The following ZYG11A variants were observed in gnomAD, a reference collection of about 807,000 sequenced individuals.
ZYG11A encodes the protein protein zyg-11 homolog A.
Under a neutral mutation model 77.2 loss-of-function variants are expected in ZYG11A, and 62 were observed. The ratio of observed to expected loss-of-function variants is 0.80; its 90% CI spans 0.65 to 0.99. The LOEUF is 0.99. Among genes scored for constraint, ZYG11A ranks in the 50% least tolerant of loss-of-function variants. The probability of loss-of-function intolerance (pLI) is 0.00; values close to 1 mark genes in which losing one functional copy is unlikely to be tolerated. For synonymous variants in ZYG11A, 315 were observed against 324.6 expected (o/e 0.97, Z 0.32); for missense variants, 828 against 896.8 (o/e 0.92, Z 0.98).
chr1:52,846,999 C>A (rs1018665289), intron 1 of ZYG11A, among the ~76,000 whole-genome samples: 1 of 151,836 alleles, frequency 6.6e-6, no homozygotes, highest in African/African-American at 2.4e-5. Context: ...GGGTACACGC[C>A]GCCACGCCTG....
intron 1 of ZYG11A, among the ~76,000 whole-genome samples, chr1:52,843,310 TTAGAC>T (rs1202488068): frequency 6.6e-6 from 1 of 152,190 alleles, no homozygotes; most frequent in African/African-American, 2.4e-5. Context: ...TGCTGTGAGC[TTAGAC>T]GTAGGTGCAG....
chr1:52,877,676 T>C lies in ZYG11A; in HGVS notation c.1543-6T>C. 1.3e-6 allele frequency: 2 copies of C among 1,544,608 alleles called. No homozygotes were observed. The highest frequency in any genetic ancestry group is 1.7e-6 in the Non-Finnish European group (2 of 1,144,818). ...CTAACTCCCTCCCTGTCTCTTTGGT[T>C]TTTAGGAACTTCTAGCAATAGTAAA... On this transcript the variant is annotated splice_region_variant and splice_polypyrimidine_tract_variant and intron_variant, in intron 8 of 13. Coordinates refer to ENST00000371528, the MANE Select transcript of ZYG11A (RefSeq NM_001004339.3).
intron 8 of ZYG11A, 92 bp from the exon 9 acceptor site, chr1:52,877,590 G>A (rs1646283664): frequency 1.5e-5 from 17 of 1,121,390 alleles, no homozygotes; most frequent in African/African-American, 9.5e-5. Flanking sequence ...GTTTAGAACC[G>A]AGGTTTGATG....
At chr1:52,872,508 C>T (rs976851080) in intron 8 of ZYG11A, among the ~76,000 whole-genome samples, 3 of 151,970 alleles carry the variant, frequency 2.0e-5, no homozygotes, top group Non-Finnish European at 2.9e-5. Flanking sequence ...GCTTGTTATA[C>T]GATATCCATT....
chr1:52,889,606 A>C (rs1328560521), intron 13 of ZYG11A, among the ~76,000 whole-genome samples: 1 of 151,916 alleles, frequency 6.6e-6, no homozygotes, highest in Non-Finnish European at 1.5e-5. Context: ...TCTATCCAAG[A>C]ACATGACTAA....
Position 52,857,090 on chromosome 1 carries a change from G to A in ZYG11A, c.349G>A (p.Ala117Thr). The A allele has an allele frequency of 1.3e-6, 2 of 1,551,680 alleles. No individual in the cohort carries two copies. Among genetic ancestry groups the A allele is most frequent in the Non-Finnish European group, 1.7e-6 (2 of 1,146,964 alleles). ...NIQKAKISTAAFIKAFCRHKL... is the reference protein window; with the variant it reads ...NIQKAKISTATFIKAFCRHKL... Reference sequence around the variant, plus strand: ...CCAAAAAGCTAAAATCTCTACAGCTGCATTCATAAAAGCCTTCTGCCGTCA... The same window carrying A: ...CCAAAAAGCTAAAATCTCTACAGCTACATTCATAAAAGCCTTCTGCCGTCA... The change falls in exon 3 of 14, where the codon GCA becomes ACA. Residue 117 changes from alanine to threonine, a missense_variant. Physicochemically the swap from Ala to Thr is moderately conservative, Grantham distance 58. Transcript: ENST00000371528.
intron 8 of ZYG11A, 60 bp downstream of exon 8, chr1:52,867,837 C>A: frequency 2.2e-6 from 3 of 1,372,660 alleles, no homozygotes; most frequent in South Asian, 1.3e-5. Context: ...ATGATTATAG[C>A]TTAAAAAAAA....
intron 3 of ZYG11A, among the ~76,000 whole-genome samples, chr1:52,859,381 G>T (rs531005628): frequency 1.3e-5 from 2 of 152,134 alleles, no homozygotes; most frequent in South Asian, 4.2e-4. Context: ...TGTCGCCCAG[G>T]CTGGAGTGCA....
Position 52,870,867 on chromosome 1 carries a change from G to A in ZYG11A, c.1542+3090G>A, listed in dbSNP as rs545578196. Among the ~76,000 whole-genome samples the A allele has an allele frequency of 1.0e-3, 159 of 151,938 alleles. 1 individual carries two copies. Among genetic ancestry groups the A allele is most frequent in the Non-Finnish European group, 1.2e-3 (83 of 67,954 alleles). Reference sequence around the variant, plus strand: ...GAGACAGTAGAAAGAGAGGGAGAGGGAGACCGTGGGGAGGGGGAGGGGGAG... The same window carrying A: ...GAGACAGTAGAAAGAGAGGGAGAGGAAGACCGTGGGGAGGGGGAGGGGGAG... On this transcript the variant is annotated intron_variant, in intron 8 of 13. Coordinates refer to ENST00000371528, the MANE Select transcript of ZYG11A (RefSeq NM_001004339.3).
At chr1:52,845,258 T>C (rs930289788) in intron 1 of ZYG11A, among the ~76,000 whole-genome samples, 3 of 151,740 alleles carry the variant, frequency 2.0e-5, no homozygotes, top group African/African-American at 7.3e-5. Context: ...TTAAATTGTG[T>C]CTCTTGTAAA....
At chr1:52,847,283 T>C (rs1340772981) in intron 1 of ZYG11A, among the ~76,000 whole-genome samples, 1 of 152,188 alleles carries the variant, frequency 6.6e-6, no homozygotes, top group Non-Finnish European at 1.5e-5. Flanking sequence ...ATCAGGCTGG[T>C]TTTGAATTCC....
chr1:52,877,266 A>G (rs1646277939), intron 8 of ZYG11A, among the ~76,000 whole-genome samples: 1 of 152,134 alleles, frequency 6.6e-6, no homozygotes, highest in Admixed American at 6.6e-5. Context: ...TTAGGCTTTT[A>G]TGTGTTTTCA....
intron 1 of ZYG11A, among the ~76,000 whole-genome samples, chr1:52,843,441 G>C (rs977193528): frequency 2.0e-5 from 3 of 152,208 alleles, no homozygotes; most frequent in Non-Finnish European, 4.4e-5. Flanking sequence ...CCGCGGAGGC[G>C]GTGACCCTTT....
At chr1:52,854,776 T>C (rs1645777687) in intron 2 of ZYG11A, 146 bp downstream of exon 2, 2 of 879,404 alleles carry the variant, frequency 2.3e-6, no homozygotes, top group Non-Finnish European at 3.2e-6. Flanking sequence ...TGGGATTCCA[T>C]GATGGAAATT....
rs1294215762 is a variant in ZYG11A, at chr1:52,881,561, A to G, written c.1840A>G (p.Met614Val). 7 of 1,552,078 alleles carry G rather than the reference A, an allele frequency of 4.5e-6. No individual in the cohort carries two copies. Among genetic ancestry groups the G allele is most frequent in the South Asian group, 1.2e-5 (1 of 84,068 alleles). Residue 614 changes from methionine (M) to valine (V), a missense_variant, in exon 11 of 14, where the codon ATG (methionine) becomes GTG (valine). By Grantham distance (21) the Met-to-Val change is conservative. Transcript: ENST00000371528. Reference protein sequence around the residue: ...HINSLLCSREMEVSYFAAGII... With the variant: ...HINSLLCSREVEVSYFAAGII... Reference sequence around the variant, plus strand: ...CAACAGTTTACTCTGTAGCAGGGAAATGGAAGTCAGCTATTTTGCTGCAGG... The same window carrying G: ...CAACAGTTTACTCTGTAGCAGGGAAGTGGAAGTCAGCTATTTTGCTGCAGG...
intron 1 of ZYG11A, among the ~76,000 whole-genome samples, chr1:52,851,619 C>T (rs932911745): frequency 2.0e-5 from 3 of 151,852 alleles, no homozygotes; most frequent in African/African-American, 4.8e-5. Context: ...AGGTTGGTCT[C>T]GAGCTCCTAA....
chr1:52,843,478 C>T (rs1287091752), intron 1 of ZYG11A, among the ~76,000 whole-genome samples: 1 of 152,206 alleles, frequency 6.6e-6, no homozygotes, highest in African/African-American at 2.4e-5. Flanking sequence ...GGCCTTTGGG[C>T]CCGGGGCCGG....
rs527652974 is a variant in ZYG11A at position 52,889,085 on chromosome 1, T to G, written c.2104+2032T>G. 2.3e-4 allele frequency among the ~76,000 whole-genome samples: 35 copies of G among 152,354 alleles called. No individual in the cohort carries two copies. The South Asian group carries it at 7.2e-3, about 32-fold the overall frequency. On this transcript the variant is annotated intron_variant, in intron 13 of 13. Coordinates refer to ENST00000371528, the MANE Select transcript of ZYG11A (RefSeq NM_001004339.3). Reference sequence around the variant, plus strand: ...TAACTCATTTAATCTTCACAACAACTAGAAGGGTAAGCATCTTATTTTATT... The same window carrying G: ...TAACTCATTTAATCTTCACAACAACGAGAAGGGTAAGCATCTTATTTTATT...
intron 5 of ZYG11A, among the ~76,000 whole-genome samples, chr1:52,865,238 G>GC (rs112598700): frequency 0.058 from 8,794 of 152,096 alleles, 419 homozygotes; most frequent in African/African-American, 0.13. Context: ...ACCATGCCTG[G>GC]CTCCCTCCCC....
Sources: allele counts gnomAD v4.1 joint callset (sites outside exome capture counted in the v4.1 genomes callset), GRCh38; gene constraint gnomAD v4.1.1; transcripts MANE v1.5; gene names NCBI Gene and HGNC (gene_info 2026-07-23, HGNC 2026-07-21).